Variants in MAMDC4 observed in about 807,000 individuals in gnomAD.
MAMDC4 encodes MAM domain containing 4, also known as apical endosomal glycoprotein.
Under a neutral mutation model 153.3 loss-of-function variants are expected in MAMDC4, and 168 were observed. The observed-to-expected ratio is 1.10, with a 90% CI of 0.97 to 1.25. The LOEUF (loss-of-function observed/expected upper bound fraction) is 1.25. Ranked by LOEUF, MAMDC4 falls within the 50% of genes most tolerant of loss-of-function variation. MAMDC4 has a pLI of 0.00. For missense variants in MAMDC4, 1,701 were observed against 1,542.8 expected, an observed-to-expected ratio of 1.10 and a Z score of -1.72; for synonymous variants, 744 against 651.5, an observed-to-expected ratio of 1.14 and a Z score of -2.16.
chr9:136,853,178 C>A lies in MAMDC4; in HGVS notation c.123C>A (p.Asp41Glu). ...PGQAVCNFVC[D>E]CRDCSDEAQC... is the part of the protein sequence containing the mutation. ...AGGCCGTGTGCAACTTCGTGTGTGA[C>A]TGCAGGGACTGCTCAGATGAGGCCC... Residue 41 changes from aspartate (D) to glutamate (E), a missense_variant, in exon 2 of 27, where the codon GAC becomes GAA. Coordinates refer to ENST00000317446, the MANE Select transcript of MAMDC4 (RefSeq NM_206920.3). 6.2e-7 allele frequency: 1 copy of A among 1,612,846 alleles called. No homozygotes were observed. The highest frequency in any genetic ancestry group is 8.5e-7 in the Non-Finnish European group (1 of 1,179,958).
chr9:136,854,006 CA>C lies in MAMDC4; in HGVS notation c.601del (p.Thr201ProfsTer12). On this transcript the variant is annotated frameshift_variant, in exon 6 of 27. Transcript: ENST00000317446. LOFTEE classifies it high-confidence loss of function. The part of the protein sequence containing the change: ...RGDFRVTFSA[T>X]RNATHRGAVA... Reference sequence around the variant, plus strand: ...GTTCTCTTCAGGTGACCTTCTCTGCCACCCGAAATGCCACCCACAGGGGCGC... The same window carrying C: ...GTTCTCTTCAGGTGACCTTCTCTGCCCCCGAAATGCCACCCACAGGGGCGC... 1 of 1,612,936 alleles carries C rather than the reference CA, an allele frequency of 6.2e-7. No individual in the cohort carries two copies. Among genetic ancestry groups the C allele is most frequent in the South Asian group, 1.1e-5 (1 of 91,080 alleles).
At position 136,860,721 on chromosome 9, in the gene MAMDC4, C is replaced by A; in HGVS notation, c.*118C>A. The A allele has an allele frequency of 8.8e-7, 1 of 1,142,678 alleles. No homozygotes were observed. The highest frequency in any genetic ancestry group is 1.3e-6 in the Non-Finnish European group (1 of 776,758). 70.8% of individuals were successfully genotyped at this position (1,142,678 alleles called of 1,614,324 possible). On this transcript the variant is annotated 3_prime_UTR_variant, in exon 27 of 27. Coordinates refer to ENST00000317446, the MANE Select transcript of MAMDC4 (RefSeq NM_206920.3). ...GACAGGCTGCAGGTCTCAGGATATG[C>A]TGAGGCCTGGGCGTTCCCTGCCCTG...
chr9:136,858,961 A>T lies in MAMDC4; in HGVS notation c.2957-44A>T, dbSNP rs371646060. 3.3e-4 allele frequency: 505 copies of T among 1,514,112 alleles called. 3 individuals carry two copies. In the African/African-American group the frequency reaches 6.3e-3, roughly 19 times the overall value. The allele number at this position is 1,514,112 out of a possible 1,614,324, so 93.8% of individuals were successfully genotyped here. A position where few individuals can be genotyped will look rare whatever the true frequency, so the allele number is the denominator to read the frequency against. On this transcript the variant is annotated intron_variant, in intron 23 of 26. Coordinates refer to ENST00000317446, the MANE Select transcript of MAMDC4 (RefSeq NM_206920.3). ...GCCCGCCCCTGGTTAGGCGTGCAGG[A>T]GCCCCAGGACCCCAGGCCTGACACG... is the stretch of plus-strand genomic sequence containing the variant.
Position 136,857,017 on chromosome 9 carries a change from T to C in MAMDC4, c.1948T>C (p.Tyr650His), listed in dbSNP as rs753802291. The C allele has an allele frequency of 5.8e-5, 93 of 1,611,980 alleles. No individual in the cohort carries two copies. Among genetic ancestry groups the C allele is most frequent in the Non-Finnish European group, 7.5e-5 (88 of 1,179,548 alleles). The change falls in exon 16 of 27, where the codon TAC becomes CAC. Residue 650 changes from tyrosine to histidine, a missense_variant. Coordinates refer to ENST00000317446, the MANE Select transcript of MAMDC4 (RefSeq NM_206920.3). ...ACCCACGGAGTGTCTCAGCTTCTGGTACCACCTCCATGGGCCCCAGATTGG... is the reference window on the plus strand; with the variant it reads ...ACCCACGGAGTGTCTCAGCTTCTGGCACCACCTCCATGGGCCCCAGATTGG... ...AAPTECLSFW[Y>H]HLHGPQIGTL...
At position 136,859,176 on chromosome 9, in the gene MAMDC4, G is replaced by C. The variant is rs762357155; in HGVS notation, c.3085-33G>C. 1.9e-5 allele frequency: 30 copies of C among 1,599,402 alleles called. No homozygotes were observed. In the East Asian group the frequency reaches 6.7e-4, roughly 36 times the overall value. The stretch of plus-strand genomic sequence containing the variant: ...AAGGAGCCTCCTCCTCCTCCACCCA[G>C]GGCCCACACAAACTCCTTTCCTTCT... On this transcript the variant is annotated intron_variant, in intron 24 of 26. Transcript: ENST00000317446.
chr9:136,858,133 TC>T, intron 20 of MAMDC4, 36 bp downstream of exon 20: 1 of 1,148,928 alleles, frequency 8.7e-7, no homozygotes, highest in Non-Finnish European at 1.2e-6. Flanking sequence ...CCCCTCCCCC[TC>T]CCCCGAGGGC....
chr9:136,857,099 C>A, intron 16 of MAMDC4, 58 bp downstream of exon 16: 1 of 1,603,808 alleles, frequency 6.2e-7, no homozygotes, highest in South Asian at 1.1e-5. Flanking sequence ...GGTTCAGAGT[C>A]CCCCGCTCTG....
At position 136,860,606 on chromosome 9, in the gene MAMDC4, C is replaced by T. The variant is rs1849077195; in HGVS notation, c.*3C>T. The T allele has an allele frequency of 6.2e-7, 1 of 1,613,232 alleles. No individual in the cohort carries two copies. Among genetic ancestry groups the T allele is most frequent in the Non-Finnish European group, 8.5e-7 (1 of 1,179,880 alleles). ...CATCTGTCACCAGTGATCCGTAGAC[C>T]ACCCCAGACAAGGCCCCGCTTCCTC... On this transcript the variant is annotated 3_prime_UTR_variant, in exon 27 of 27. Transcript: ENST00000317446.
In MAMDC4 at chr9:136,857,787, C is replaced by A; in HGVS notation, c.2455C>A (p.Arg819Ser). The change falls in exon 19 of 27, where the codon CGC becomes AGC. Residue 819 changes from arginine to serine, a missense_variant. Physicochemically the swap from Arg to Ser is moderately radical, Grantham distance 110. Transcript: ENST00000317446. ...GACCTTCTGGTACCACGGGAGCCTC[C>A]GCAGCCCAGGTGAGGGGCTTTGGGA... Reference protein sequence around the residue: ...CLTFWYHGSLRSPGTLRVYLE... With the variant: ...CLTFWYHGSLSSPGTLRVYLE... 6.2e-7 allele frequency: 1 copy of A among 1,612,260 alleles called. No individual in the cohort carries two copies. The highest frequency in any genetic ancestry group is 1.1e-5 in the South Asian group (1 of 91,004).
rs1178596462 is a variant in MAMDC4 at position 136,859,209 on chromosome 9, A to G, written c.3085A>G (p.Ile1029Val). Residue 1029 changes from isoleucine (I) to valine (V), a missense_variant and splice_region_variant, in exon 25 of 27, where the codon ATC (isoleucine) becomes GTC (valine). Coordinates refer to ENST00000317446, the MANE Select transcript of MAMDC4 (RefSeq NM_206920.3). ...ACAAACTCCTTTCCTTCTCCATCAG[A>G]TCGTGTTTGAAGCCACTCTGGGCGG... ...VEVASAKEFQ[I>V]VFEATLGGQP... The G allele has an allele frequency of 5.0e-6, 8 of 1,610,166 alleles. No individual in the cohort carries two copies. The highest frequency in any genetic ancestry group is 5.1e-6 in the Non-Finnish European group (6 of 1,178,432).
rs1849042592 is a variant in MAMDC4 at position 136,858,603 on chromosome 9, G to A, written c.2821+57G>A. 2.5e-6 allele frequency: 4 copies of A among 1,575,922 alleles called. No homozygotes were observed. In the East Asian group the frequency reaches 9.1e-5, roughly 36 times the overall value. Reference sequence around the variant, plus strand: ...ACACACAGCCACCTGGCCTCCTGCTGCCCACCCACAGAGTACATGCCCCAT... The same window carrying A: ...ACACACAGCCACCTGGCCTCCTGCTACCCACCCACAGAGTACATGCCCCAT... On this transcript the variant is annotated intron_variant, in intron 22 of 26. Coordinates refer to ENST00000317446, the MANE Select transcript of MAMDC4 (RefSeq NM_206920.3).
intron 1 of MAMDC4, 89 bp from the exon 2 acceptor site, chr9:136,853,013 T>C: frequency 9.2e-7 from 1 of 1,090,090 alleles, no homozygotes; most frequent in Non-Finnish European, 1.3e-6. Context: ...GGACAAAAGA[T>C]GTCCAGTGCT....
intron 7 of MAMDC4, 92 bp from the exon 8 acceptor site, chr9:136,854,447 G>A: frequency 6.6e-7 from 1 of 1,518,222 alleles, no homozygotes; most frequent in Non-Finnish European, 8.9e-7. Flanking sequence ...GTCCTTCTTG[G>A]GGTGTGGTTG....
intron 3 of MAMDC4, 28 bp downstream of exon 3, chr9:136,853,486 C>T (rs1436593054): frequency 3.1e-6 from 5 of 1,610,850 alleles, no homozygotes; most frequent in Non-Finnish European, 4.2e-6. Flanking sequence ...CTCTGTGCGC[C>T]CCTGTCCCAA....
At position 136,857,209 on chromosome 9, in the gene MAMDC4, C is replaced by T. The variant is rs150596814; in HGVS notation, c.2017C>T (p.Leu673=). ...GAGACGGGAAGGGGAGGAGACACAC[C>T]TGTGGTCGCGGTCAGGCACCCAGGG... is the stretch of plus-strand genomic sequence containing the variant. The part of the protein sequence containing the change: ...AMRREGEETH[L]WSRSGTQGNR... The change falls in exon 17 of 27, where the codon CTG becomes TTG. Residue 673 remains leucine, a synonymous_variant. Coordinates refer to ENST00000317446, the MANE Select transcript of MAMDC4 (RefSeq NM_206920.3). 2.5e-6 allele frequency: 4 copies of T among 1,611,884 alleles called. No homozygotes were observed. The highest frequency in any genetic ancestry group is 3.4e-6 in the Non-Finnish European group (4 of 1,179,634).
chr9:136,855,453 G>A lies in MAMDC4; in HGVS notation c.1305G>A (p.Leu435=), dbSNP rs1282811870. The A allele has an allele frequency of 8.1e-6, 13 of 1,609,300 alleles. No homozygotes were observed. Among genetic ancestry groups the A allele is most frequent in the South Asian group, 3.3e-5 (3 of 90,752 alleles). ...CAGAGGTGTCCACCCTGCAGCCGCT[G>A]CCTCCTGGGCCCCGGGCCCCAGCCC... ...PVSEVSTLQP[L]PPGPRAPAPQ... The change falls in exon 12 of 27, where the codon CTG becomes CTA. Residue 435 remains leucine (L), a synonymous_variant. Coordinates refer to ENST00000317446, the MANE Select transcript of MAMDC4 (RefSeq NM_206920.3).
Position 136,855,742 on chromosome 9 carries a change from CTT to C in MAMDC4, c.1484_1485del (p.Phe495Ter), listed in dbSNP as rs747618690. ...EDEQACGTTD[F>X]ESPEAGGWED... ...CGGCTGCTGTTCCAGGCACCACAGA[CTT>C]TGAGTCCCCCGAGGCTGGGGGCTGG... On this transcript the variant is annotated frameshift_variant, in exon 13 of 27. Transcript: ENST00000317446. LOFTEE classifies it high-confidence loss of function. The C allele has an allele frequency of 1.9e-6, 3 of 1,574,390 alleles. No individual in the cohort carries two copies. Among genetic ancestry groups the C allele is most frequent in the Admixed American group, 3.8e-5 (2 of 52,814 alleles).
Position 136,854,052 on chromosome 9 carries a change from G to C in MAMDC4, c.646G>C (p.Glu216Gln). ...GGGCGCTGTGGCTCTAGATGACCTA[G>C]AGTTCTGGGACTGTGGTCTGCCCAG... ...HRGAVALDDL[E>Q]FWDCGLPTPQ... The change falls in exon 6 of 27, where the codon GAG (glutamate) becomes CAG (glutamine). Residue 216 changes from glutamate (E) to glutamine (Q), a missense_variant. Coordinates refer to ENST00000317446, the MANE Select transcript of MAMDC4 (RefSeq NM_206920.3). The C allele has an allele frequency of 6.2e-7, 1 of 1,612,834 alleles. No individual in the cohort carries two copies. Among genetic ancestry groups the C allele is most frequent in the Non-Finnish European group, 8.5e-7 (1 of 1,179,964 alleles).
intron 26 of MAMDC4, 49 bp downstream of exon 26, chr9:136,860,113 G>A: frequency 6.7e-7 from 1 of 1,491,070 alleles, no homozygotes; most frequent in Admixed American, 2.2e-5. Flanking sequence ...GCTCAGCTGT[G>A]ACGCTGGAGG....
Sources: gnomAD v4.1 joint callset for allele counts on GRCh38, gnomAD v4.1.1 for gene constraint, MANE v1.5 for transcripts, NCBI Gene and HGNC (gene_info 2026-07-23, HGNC 2026-07-21) for gene names.